Variants in RGS20 observed in about 807,000 individuals in gnomAD.
RGS20 encodes the protein gz-selective GTPase-activating protein.
A neutral mutation model predicts 33.6 loss-of-function variants in RGS20; 30 were observed. That is an observed-to-expected ratio of 0.89 (90% CI 0.67 to 1.21). The LOEUF (loss-of-function observed/expected upper bound fraction) is 1.21, where lower values mean the gene tolerates loss of function less well. Among genes scored for constraint, RGS20 ranks in the 50% most tolerant of loss-of-function variants. The pLI is 0.00. For missense variants in RGS20, 472 were observed against 502.4 expected (o/e 0.94, Z 0.58); for synonymous variants, 208 against 197.9 (o/e 1.05, Z -0.43).
chr8:53,932,206 T>C (rs1317540089), intron 2 of RGS20, among the ~76,000 whole-genome samples: 4 of 152,080 alleles, frequency 2.6e-5, no homozygotes, highest in African/African-American at 4.8e-5. Flanking sequence ...GGGTGGCCAT[T>C]TGGGCAGACA....
At chr8:53,911,538 C>G (rs1813346103) in intron 2 of RGS20, among the ~76,000 whole-genome samples, 1 of 138,432 alleles carries the variant, frequency 7.2e-6, no homozygotes, top group African/African-American at 3.2e-5. Context: ...AGATACTTTT[C>G]TGAAAAAATA....
intron 2 of RGS20, among the ~76,000 whole-genome samples, chr8:53,898,535 A>T (rs1812927862): frequency 1.3e-5 from 2 of 152,214 alleles, no homozygotes; most frequent in African/African-American, 4.8e-5. Context: ...TCAAATGTCA[A>T]TTCACATTTT....
intron 2 of RGS20, among the ~76,000 whole-genome samples, chr8:53,925,602 G>A (rs963318461): frequency 6.6e-6 from 1 of 152,174 alleles, no homozygotes; most frequent in Admixed American, 6.5e-5. Context: ...GGGCATGGTG[G>A]CACATGCCTG....
intron 2 of RGS20, among the ~76,000 whole-genome samples, chr8:53,883,342 T>G (rs1812450854): frequency 6.6e-6 from 1 of 152,088 alleles, no homozygotes; most frequent in South Asian, 2.1e-4. Context: ...TTTTGTATTT[T>G]TAGTGGAGAC....
At chr8:53,916,556 A>G (rs936801531) in intron 2 of RGS20, among the ~76,000 whole-genome samples, 3 of 152,096 alleles carry the variant, frequency 2.0e-5, no homozygotes, top group Non-Finnish European at 2.9e-5. Flanking sequence ...GAAGAGAAGT[A>G]TGGTTGTTGG....
intron 3 of RGS20, among the ~76,000 whole-genome samples, chr8:53,941,490 C>G (rs183731253): frequency 7.9e-4 from 121 of 152,228 alleles, no homozygotes; most frequent in African/African-American, 2.7e-3. Context: ...ATCATAGATA[C>G]AACGGGGTCA....
At chr8:53,897,305 A>C (rs758408445) in intron 2 of RGS20, among the ~76,000 whole-genome samples, 3 of 152,196 alleles carry the variant, frequency 2.0e-5, no homozygotes, top group Non-Finnish European at 4.4e-5. Context: ...GGCAGACTGG[A>C]CCAGACTAGA....
chr8:53,938,292 C>T (rs1373288511), intron 2 of RGS20, among the ~76,000 whole-genome samples: 1 of 152,146 alleles, frequency 6.6e-6, no homozygotes, highest in African/African-American at 2.4e-5. Flanking sequence ...AACAGAAAAC[C>T]AAAAACTGAA....
chr8:53,935,819 C>G (rs919375979), intron 2 of RGS20, among the ~76,000 whole-genome samples: 7 of 152,182 alleles, frequency 4.6e-5, no homozygotes, highest in Admixed American at 6.5e-5. Context: ...AGGCCAATAT[C>G]CCTGATGAAC....
intron 2 of RGS20, among the ~76,000 whole-genome samples, chr8:53,924,478 G>A (rs1017319677): frequency 5.3e-5 from 8 of 151,746 alleles, no homozygotes; most frequent in Admixed American, 1.3e-4. Flanking sequence ...GTGAGCCACC[G>A]TGCCTGGACT....
chr8:53,856,066 T>A (rs1811662639), intron 1 of RGS20, among the ~76,000 whole-genome samples: 1 of 152,190 alleles, frequency 6.6e-6, no homozygotes, highest in African/African-American at 2.4e-5. Context: ...GGGCTTGAAG[T>A]CAGTCTTCTT....
chr8:53,956,082 T>C (rs1047309162), intron 5 of RGS20, among the ~76,000 whole-genome samples: 3 of 151,844 alleles, frequency 2.0e-5, no homozygotes, highest in Admixed American at 1.3e-4. Flanking sequence ...TGGGCGAGAA[T>C]GAGAAAAATA....
At chr8:53,951,942 G>C (rs949584880) in intron 4 of RGS20, among the ~76,000 whole-genome samples, 1 of 150,212 alleles carries the variant, frequency 6.7e-6, no homozygotes, top group Non-Finnish European at 1.5e-5. Context: ...GCTTGAACCC[G>C]GGAGGCAGAG....
chr8:53,917,851 A>C (rs77660321), intron 2 of RGS20, among the ~76,000 whole-genome samples: 9,872 of 152,170 alleles, frequency 0.065, 867 homozygotes, highest in African/African-American at 0.2. Flanking sequence ...CATTTTCATC[A>C]AAAGAAACCT....
Position 53,958,390 on chromosome 8 carries a change from C to G in RGS20, c.1099C>G (p.Arg367Gly). The change falls in exon 6 of 6, where the codon CGA becomes GGA. Residue 367 changes from arginine (R) to glycine (G), a missense_variant. Coordinates refer to ENST00000297313, the MANE Select transcript of RGS20 (RefSeq NM_170587.4). ...CCTGATGCACAGAGACTCATATCCTCGATTCATGAACTCTGCTGTCTATAA... is the reference window on the plus strand; with the variant it reads ...CCTGATGCACAGAGACTCATATCCTGGATTCATGAACTCTGCTGTCTATAA... 1 of 1,613,198 alleles carries G rather than the reference C, an allele frequency of 6.2e-7. No individual in the cohort carries two copies. The highest frequency in any genetic ancestry group is 1.1e-5 in the South Asian group (1 of 90,988).
chr8:53,872,461 G>C (rs181925261), intron 1 of RGS20, among the ~76,000 whole-genome samples: 13 of 152,208 alleles, frequency 8.5e-5, no homozygotes, highest in Admixed American at 7.8e-4. Context: ...CACACCATGA[G>C]AGCAGGTCAT....
At chr8:53,852,180 A>G in intron 1 of RGS20, 1 of 1,019,210 alleles carries the variant, frequency 9.8e-7, no homozygotes, top group Non-Finnish European at 1.4e-6. Flanking sequence ...TTAATGTTTT[A>G]TCAAAAATGT....
intron 2 of RGS20, among the ~76,000 whole-genome samples, chr8:53,898,952 A>G (rs938910907): frequency 2.0e-5 from 3 of 152,252 alleles, no homozygotes; most frequent in Admixed American, 2.0e-4. Context: ...TTTGCATTTC[A>G]CACTGTAGCA....
chr8:53,916,208 G>A (rs887150006), intron 2 of RGS20, among the ~76,000 whole-genome samples: 2 of 152,076 alleles, frequency 1.3e-5, no homozygotes, highest in Non-Finnish European at 1.5e-5. Flanking sequence ...TTTTCGTAGA[G>A]ACAAGGTTTC....
Sources: allele counts gnomAD v4.1 joint callset (sites outside exome capture counted in the v4.1 genomes callset), GRCh38; gene constraint gnomAD v4.1.1; transcripts MANE v1.5; gene names NCBI Gene and HGNC (gene_info 2026-07-23, HGNC 2026-07-21).